The following CAMK2D variants were observed in gnomAD, a reference collection of about 807,000 sequenced individuals.
CAMK2D encodes calcium/calmodulin dependent protein kinase II delta, also known as calcium/calmodulin-dependent protein kinase type II subunit delta.
In CAMK2D, 37 loss-of-function variants were observed where a neutral mutation model predicts 84.0. The observed-to-expected ratio is 0.44, with a 90% CI of 0.34 to 0.58. The LOEUF is 0.58. Ranked by LOEUF, CAMK2D falls within the 20% of genes least tolerant of loss-of-function variation. The pLI, the probability that CAMK2D is intolerant of heterozygous loss-of-function variation, is 0.02. For missense variants in CAMK2D, 448 were observed against 652.5 expected, an observed-to-expected ratio of 0.69 and a Z score of 3.41; for synonymous variants, 202 against 212.5, an observed-to-expected ratio of 0.95 and a Z score of 0.43.
intron 16 of CAMK2D, among the ~76,000 whole-genome samples, chr4:113,494,983 C>T (rs539828284): frequency 1.3e-5 from 2 of 152,338 alleles, no homozygotes; most frequent in Admixed American, 1.3e-4. Context: ...GAGGCAATGC[C>T]TTGCCCTGCT....
chr4:113,596,353 T>A (rs1454035356), intron 4 of CAMK2D, among the ~76,000 whole-genome samples: 2 of 152,208 alleles, frequency 1.3e-5, no homozygotes, highest in Non-Finnish European at 2.9e-5. Context: ...CTCCTGTTAA[T>A]GTTGTTATTT....
intron 3 of CAMK2D, among the ~76,000 whole-genome samples, chr4:113,625,697 G>C (rs554316361): frequency 6.6e-6 from 1 of 152,140 alleles, no homozygotes; most frequent in African/African-American, 2.4e-5. Flanking sequence ...GGGTTATACA[G>C]AGCCTTGGAG....
chr4:113,670,962 C>G (rs2099279277), intron 2 of CAMK2D, among the ~76,000 whole-genome samples: 1 of 152,088 alleles, frequency 6.6e-6, no homozygotes, highest in South Asian at 2.1e-4. Flanking sequence ...CACCCTTAAC[C>G]ATCTTTTTCC....
Position 113,761,110 on chromosome 4 carries a change from A to G in CAMK2D, c.-42T>C. ...GCCCTGGCTGGGAGCGCGACGGACC[A>G]GAAGCGAGCAGACGCGCGGCTAACC... On this transcript the variant is annotated 5_prime_UTR_variant, in exon 1 of 21. Coordinates refer to ENST00000511664, the MANE Select transcript of CAMK2D (RefSeq NM_001321571.2). The G allele has an allele frequency of 1.2e-6, 2 of 1,612,812 alleles. No individual in the cohort carries two copies. The highest frequency in any genetic ancestry group is 1.1e-5 in the South Asian group (1 of 91,086).
rs551891128 is a variant in CAMK2D at position 113,728,783 on chromosome 4, A to G, written c.160+30537T>C. Among the ~76,000 whole-genome samples the G allele has an allele frequency of 3.9e-5, 6 of 152,292 alleles. No homozygotes were observed. The East Asian group carries it at 1.2e-3, about 29-fold the overall frequency. On this transcript the variant is annotated intron_variant, in intron 2 of 20. Coordinates refer to ENST00000511664, the MANE Select transcript of CAMK2D (RefSeq NM_001321571.2). ...TTCAACATGGAAATAATAACAGCACATATGTCACAGGATTTTAGTGAAGAT... is the reference window on the plus strand; with the variant it reads ...TTCAACATGGAAATAATAACAGCACGTATGTCACAGGATTTTAGTGAAGAT...
At chr4:113,488,519 T>C (rs889247378) in intron 16 of CAMK2D, among the ~76,000 whole-genome samples, 4 of 152,206 alleles carry the variant, frequency 2.6e-5, no homozygotes, top group African/African-American at 9.6e-5. Flanking sequence ...GTCAGGTTTT[T>C]AAACTCTGAA....
At chr4:113,489,586 A>C (rs1182039610) in intron 16 of CAMK2D, among the ~76,000 whole-genome samples, 1 of 148,042 alleles carries the variant, frequency 6.8e-6, no homozygotes, top group African/African-American at 2.5e-5. Context: ...ATTGTGAATA[A>C]TGCCGCAATA....
chr4:113,761,404 A>T lies in CAMK2D; in HGVS notation c.-336T>A, dbSNP rs1235170991. On this transcript the variant is annotated 5_prime_UTR_variant, in exon 1 of 21. Coordinates refer to ENST00000511664, the MANE Select transcript of CAMK2D (RefSeq NM_001321571.2). The stretch of plus-strand genomic sequence containing the variant: ...AAGTACTCAAGAAGAGGGGGCCGGG[A>T]AATGGAAAAACAGCCAGGCACGGGA... 2 of 1,242,654 alleles carry T rather than the reference A, an allele frequency of 1.6e-6. No homozygotes were observed. The highest frequency in any genetic ancestry group is 2.0e-6 in the Non-Finnish European group (2 of 981,170). 77.0% of individuals were successfully genotyped at this position (1,242,654 alleles called of 1,614,324 possible). A position where few individuals can be genotyped will look rare whatever the true frequency, so the allele number is the denominator to read the frequency against.
At chr4:113,467,806 T>C (rs2097493450) in intron 16 of CAMK2D, among the ~76,000 whole-genome samples, 1 of 152,120 alleles carries the variant, frequency 6.6e-6, no homozygotes, top group South Asian at 2.1e-4. Flanking sequence ...CTCAACAGTA[T>C]GAACATTTGG....
intron 19 of CAMK2D, chr4:113,457,073 C>T (rs2097311803): frequency 1.5e-6 from 1 of 683,940 alleles, no homozygotes. Flanking sequence ...TAGATTTAAC[C>T]CTGTGAGATT....
chr4:113,664,930 A>C (rs1453093207), intron 2 of CAMK2D, among the ~76,000 whole-genome samples: 2 of 152,098 alleles, frequency 1.3e-5, no homozygotes, highest in African/African-American at 2.4e-5. Context: ...CAGCCTCCCA[A>C]GTAGCTGGCA....
intron 2 of CAMK2D, among the ~76,000 whole-genome samples, chr4:113,674,069 C>T (rs975366579): frequency 6.6e-6 from 1 of 152,136 alleles, no homozygotes; most frequent in Non-Finnish European, 1.5e-5. Flanking sequence ...CTTTACATCA[C>T]ATACCTCTGC....
intron 2 of CAMK2D, among the ~76,000 whole-genome samples, chr4:113,750,550 C>G (rs1364116758): frequency 6.6e-6 from 1 of 152,166 alleles, no homozygotes; most frequent in Non-Finnish European, 1.5e-5. Context: ...ACTCATAGGC[C>G]AGGAAATACT....
In CAMK2D at chr4:113,581,529, A is replaced by AAAAAAAAGAAAAG. The variant is rs373642282; in HGVS notation, c.275+27622_275+27623insCTTTTCTTTTTTT. Among the ~76,000 whole-genome samples, 68 of 121,888 alleles carry AAAAAAAAGAAAAG rather than the reference A, an allele frequency of 5.6e-4. 1 individual carries two copies. The highest frequency in any genetic ancestry group is 4.3e-4 in the East Asian group (2 of 4,600). The allele number at this position is 121,888 out of a possible 152,430, so 80.0% of individuals were successfully genotyped here. ...ACTTTCTCATAAAAAAAAAAAAAAA[A>AAAAAAAAGAAAAG]AAAAGAAAAGAAAAGAAAAGAAAAA... On this transcript the variant is annotated intron_variant, in intron 4 of 20. Coordinates refer to ENST00000511664, the MANE Select transcript of CAMK2D (RefSeq NM_001321571.2).
chr4:113,502,788 T>G (rs1232107105), intron 15 of CAMK2D, 148 bp downstream of exon 15: 1 of 643,476 alleles, frequency 1.6e-6, no homozygotes, highest in Non-Finnish European at 2.8e-6. Flanking sequence ...ATGTCCATAG[T>G]TCTAGATAAA....
intron 4 of CAMK2D, among the ~76,000 whole-genome samples, chr4:113,556,972 A>C (rs1201723357): frequency 1.3e-5 from 2 of 152,172 alleles, no homozygotes; most frequent in Non-Finnish European, 2.9e-5. Context: ...TATAAGCACC[A>C]CTTCATGATT....
chr4:113,471,994 C>T (rs2097551884), intron 16 of CAMK2D, among the ~76,000 whole-genome samples: 1 of 152,172 alleles, frequency 6.6e-6, no homozygotes, highest in Non-Finnish European at 1.5e-5. Context: ...CTGTACTTTT[C>T]CTGCCATTTT....
At chr4:113,660,793 C>CTTTTT (rs551244067) in intron 3 of CAMK2D, among the ~76,000 whole-genome samples, 3 of 129,490 alleles carry the variant, frequency 2.3e-5, no homozygotes, top group Non-Finnish European at 5.0e-5. Flanking sequence ...CTGAACAATT[C>CTTTTT]TTTTTTTTTT....
At chr4:113,675,486 T>A (rs1255523344) in intron 2 of CAMK2D, among the ~76,000 whole-genome samples, 1 of 152,184 alleles carries the variant, frequency 6.6e-6, no homozygotes, top group Non-Finnish European at 1.5e-5. Flanking sequence ...CAGGGGAAGA[T>A]CCTTTCCAGA....
Sources: gnomAD v4.1 joint callset for allele counts (sites outside exome capture counted in the v4.1 genomes callset) on GRCh38, gnomAD v4.1.1 for gene constraint, MANE v1.5 for transcripts, NCBI Gene and HGNC (gene_info 2026-07-23, HGNC 2026-07-21) for gene names.